KCNQ5: variants seen among roughly 807,000 people sequenced by gnomAD.
The protein encoded by KCNQ5 is potassium voltage-gated channel subfamily Q member 5, also known as potassium voltage-gated channel subfamily KQT member 5.
KCNQ5 carries 30 observed loss-of-function variants against 98.2 expected under a neutral mutation model. The observed-to-expected ratio is 0.31, with a 90% CI of 0.23 to 0.41. KCNQ5 has a LOEUF of 0.41. KCNQ5 is among the 10% of genes least tolerant of loss of function. The pLI is 1.00. For missense variants in KCNQ5, 835 were observed against 1,182.5 expected (o/e 0.71, Z 4.31); for synonymous variants, 458 against 449.4 (o/e 1.02, Z -0.24).
At chr6:72,830,425 T>C (rs571988779) in intron 1 of KCNQ5, among the ~76,000 whole-genome samples, 2 of 152,124 alleles carry the variant, frequency 1.3e-5, no homozygotes, top group African/African-American at 4.8e-5. Context: ...TCAGAAATAA[T>C]ACCACACATG....
intron 10 of KCNQ5, among the ~76,000 whole-genome samples, chr6:73,134,604 T>G (rs1423240339): frequency 6.6e-6 from 1 of 152,236 alleles, no homozygotes; most frequent in Non-Finnish European, 1.5e-5. Context: ...TCAAAGGTCC[T>G]CAGGGATATC....
intron 1 of KCNQ5, among the ~76,000 whole-genome samples, chr6:72,976,704 A>C (rs1471069799): frequency 2.6e-5 from 4 of 152,208 alleles, no homozygotes; most frequent in African/African-American, 9.6e-5. Context: ...GGTCAATTTA[A>C]GTGAGGCTCA....
intron 11 of KCNQ5, among the ~76,000 whole-genome samples, chr6:73,187,693 AT>A (rs1173960373): frequency 6.6e-6 from 1 of 152,250 alleles, no homozygotes; most frequent in Non-Finnish European, 1.5e-5. Context: ...ATTGATCACA[AT>A]TATAAACCAT....
intron 1 of KCNQ5, among the ~76,000 whole-genome samples, chr6:72,712,419 C>T (rs17740368): frequency 1.6e-4 from 24 of 152,274 alleles, no homozygotes; most frequent in Middle Eastern, 6.8e-3. Context: ...TGAACACTTC[C>T]GAATCCTAAA....
chr6:73,164,867 G>C (rs189112828), intron 10 of KCNQ5, among the ~76,000 whole-genome samples: 2 of 152,224 alleles, frequency 1.3e-5, no homozygotes, highest in Admixed American at 6.5e-5. Flanking sequence ...TCTGAGATAT[G>C]AGAAGAGACT....
In KCNQ5 at chr6:72,622,106, C is replaced by T; in HGVS notation, c.-84C>T. On this transcript the variant is annotated 5_prime_UTR_variant, in exon 1 of 14. Coordinates refer to ENST00000370398, the MANE Select transcript of KCNQ5 (RefSeq NM_019842.4). This position sits in a 1 kb window ranked among gnomAD's most constrained non-coding sequence, Gnocchi z 6.0. ...GGGCGCCCCGTCGGCCGCCGGCTTC[C>T]TCCTTGAAACCCGCCGGCGCACATG... The T allele has an allele frequency of 9.4e-6, 11 of 1,168,150 alleles. No homozygotes were observed. Among genetic ancestry groups the T allele is most frequent in the Non-Finnish European group, 1.2e-5 (11 of 937,142 alleles). The allele number at this position is 1,168,150 out of a possible 1,614,324, so 72.4% of individuals were successfully genotyped here. A position where few individuals can be genotyped will look rare whatever the true frequency, so the allele number is the denominator to read the frequency against.
chr6:72,946,524 TTA>T (rs1766554136), intron 1 of KCNQ5, among the ~76,000 whole-genome samples: 1 of 152,184 alleles, frequency 6.6e-6, no homozygotes, highest in African/African-American at 2.4e-5. Context: ...TATAGAAGTG[TTA>T]TGTTTTTATG....
At chr6:72,878,086 C>T (rs1778490957) in intron 1 of KCNQ5, among the ~76,000 whole-genome samples, 1 of 152,162 alleles carries the variant, frequency 6.6e-6, no homozygotes, top group African/African-American at 2.4e-5. Flanking sequence ...GCCTGACCTA[C>T]ATGGTGAAAC....
At chr6:72,851,453 A>G (rs1247787939) in intron 1 of KCNQ5, among the ~76,000 whole-genome samples, 1 of 152,146 alleles carries the variant, frequency 6.6e-6, no homozygotes, top group African/African-American at 2.4e-5. Context: ...AAGCCCAGCT[A>G]TTGGTCCTTC....
In KCNQ5 at chr6:72,648,495, C is replaced by T. The variant is rs141438793; in HGVS notation, c.398+25908C>T. Among the ~76,000 whole-genome samples the T allele has an allele frequency of 3.0e-3, 452 of 152,168 alleles. 2 individuals are homozygous for T. Among genetic ancestry groups the T allele is most frequent in the African/African-American group, 0.011 (437 of 41,548 alleles). On this transcript the variant is annotated intron_variant, in intron 1 of 13. Coordinates refer to ENST00000370398, the MANE Select transcript of KCNQ5 (RefSeq NM_019842.4). ...TGAGCCAAAAATAAAGGTGCAAAAA[C>T]ATTTTTATAGTGTGAGACGAACTAT...
chr6:72,883,097 T>C (rs1044920420), intron 1 of KCNQ5, among the ~76,000 whole-genome samples: 5 of 152,234 alleles, frequency 3.3e-5, no homozygotes, highest in Non-Finnish European at 7.3e-5. Flanking sequence ...GTGAACCTTA[T>C]GTTCACCAAT....
intron 1 of KCNQ5, among the ~76,000 whole-genome samples, chr6:72,630,752 G>A (rs2098920382): frequency 6.6e-6 from 1 of 152,000 alleles, no homozygotes; most frequent in Non-Finnish European, 1.5e-5. Context: ...GAAACTAGAG[G>A]GAAAAATAGA....
intron 3 of KCNQ5, among the ~76,000 whole-genome samples, chr6:73,050,292 AAGG>A (rs1772168168): frequency 7.7e-6 from 1 of 130,084 alleles, no homozygotes; most frequent in African/African-American, 2.8e-5. Context: ...GGAAGGAAGG[AAGG>A]AAGGAAGGAA....
chr6:72,869,972 C>G (rs1055804127), intron 1 of KCNQ5, among the ~76,000 whole-genome samples: 1 of 152,102 alleles, frequency 6.6e-6, no homozygotes, highest in African/African-American at 2.4e-5. Context: ...CAAAATATTC[C>G]CTTGCCAAAA....
intron 1 of KCNQ5, among the ~76,000 whole-genome samples, chr6:72,687,925 G>T (rs942695619): frequency 6.8e-6 from 1 of 146,508 alleles, no homozygotes; most frequent in African/African-American, 2.5e-5. Context: ...TGCAACCTCC[G>T]CCTCCCAGGT....
chr6:72,696,179 A>C (rs1768487190), intron 1 of KCNQ5, among the ~76,000 whole-genome samples: 1 of 152,214 alleles, frequency 6.6e-6, no homozygotes, highest in Non-Finnish European at 1.5e-5. Context: ...GGTTGTTCGC[A>C]GCAATGGTTT....
intron 1 of KCNQ5, among the ~76,000 whole-genome samples, chr6:72,747,086 G>GA (rs1052377981): frequency 6.6e-6 from 1 of 151,552 alleles, no homozygotes; most frequent in Admixed American, 6.6e-5. Flanking sequence ...ATTTGGATAG[G>GA]AAAAAAAATG....
At chr6:72,950,560 C>T (rs1367248478) in intron 1 of KCNQ5, among the ~76,000 whole-genome samples, 2 of 152,214 alleles carry the variant, frequency 1.3e-5, no homozygotes, top group African/African-American at 4.8e-5. Flanking sequence ...CTCACTTCCT[C>T]CAGTGGCATG....
At chr6:72,808,710 GC>G (rs1775075582) in intron 1 of KCNQ5, among the ~76,000 whole-genome samples, 1 of 152,050 alleles carries the variant, frequency 6.6e-6, no homozygotes, top group Non-Finnish European at 1.5e-5. Flanking sequence ...CACTTGGGAG[GC>G]CAAGATGGGA....
Sources: allele counts gnomAD v4.1 joint callset (sites outside exome capture counted in the v4.1 genomes callset), GRCh38; gene constraint gnomAD v4.1.1; non-coding constraint Gnocchi (gnomAD v3.1); transcripts MANE v1.5; gene names NCBI Gene and HGNC (gene_info 2026-07-23, HGNC 2026-07-21).